The following CSMD1 variants were observed in gnomAD, a reference collection of about 807,000 sequenced individuals.
CSMD1 encodes the protein CUB and Sushi multiple domains 1.
In CSMD1, 213 loss-of-function variants were observed where a neutral mutation model predicts 417.5. The observed-to-expected ratio is 0.51, with a 90% CI of 0.46 to 0.57. The LOEUF is 0.57. Among genes scored for constraint, CSMD1 ranks in the 20% least tolerant of loss-of-function variants. The probability of loss-of-function intolerance (pLI) is 0.00; values close to 1 mark genes in which losing one functional copy is unlikely to be tolerated. For synonymous variants in CSMD1, 2,862 were observed against 1,736.8 expected (o/e 1.65, Z -16.11); for missense variants, 6,923 against 4,529.7 (o/e 1.53, Z -15.17).
At chr8:4,061,140 C>A (rs1293707571) in intron 3 of CSMD1, among the ~76,000 whole-genome samples, 1 of 152,172 alleles carries the variant, frequency 6.6e-6, no homozygotes, top group Non-Finnish European at 1.5e-5. Flanking sequence ...AGGCTCATCT[C>A]ATCCCCATCC....
intron 3 of CSMD1, among the ~76,000 whole-genome samples, chr8:4,316,447 G>C (rs1798933942): frequency 1.3e-5 from 2 of 152,012 alleles, no homozygotes; most frequent in African/African-American, 4.8e-5. Flanking sequence ...AATAACTGTG[G>C]TTTTCGCCAT....
At chr8:4,599,647 G>C (rs1182672814) in intron 2 of CSMD1, among the ~76,000 whole-genome samples, 2 of 151,850 alleles carry the variant, frequency 1.3e-5, no homozygotes, top group African/African-American at 4.8e-5. Flanking sequence ...TTAGACATTT[G>C]GTTATTTGTA....
chr8:4,170,107 C>T (rs1257669073), intron 3 of CSMD1, among the ~76,000 whole-genome samples: 2 of 151,716 alleles, frequency 1.3e-5, no homozygotes, highest in African/African-American at 2.4e-5. Flanking sequence ...GTATCCCTAA[C>T]CTGTTTTCTC....
chr8:4,526,603 C>T (rs545242340), intron 2 of CSMD1, among the ~76,000 whole-genome samples: 5 of 152,352 alleles, frequency 3.3e-5, no homozygotes, highest in African/African-American at 1.2e-4. Context: ...GATCATGTCT[C>T]TTTCACCAAC....
At chr8:3,896,722 G>A (rs1446114926) in intron 5 of CSMD1, among the ~76,000 whole-genome samples, 4 of 151,926 alleles carry the variant, frequency 2.6e-5, no homozygotes, top group East Asian at 1.9e-4. Flanking sequence ...ACATTAGCCA[G>A]GATGGTCTCG....
intron 1 of CSMD1, among the ~76,000 whole-genome samples, chr8:4,706,167 T>C (rs953452852): frequency 6.6e-6 from 1 of 151,106 alleles, no homozygotes; most frequent in Non-Finnish European, 1.5e-5. Flanking sequence ...TTATATACTG[T>C]ACATATATAT....
At chr8:4,530,666 G>A (rs952672529) in intron 2 of CSMD1, among the ~76,000 whole-genome samples, 2 of 150,720 alleles carry the variant, frequency 1.3e-5, no homozygotes, top group South Asian at 2.1e-4. Context: ...CCCTGCAAAG[G>A]GCATGAACTC....
intron 3 of CSMD1, among the ~76,000 whole-genome samples, chr8:4,398,408 T>TTTTC (rs1286780917): frequency 6.8e-6 from 1 of 147,670 alleles, no homozygotes; most frequent in Non-Finnish European, 1.5e-5. Flanking sequence ...TTTTTTTTTT[T>TTTTC]GTGAGATAGA....
chr8:3,808,224 G>C (rs1008750354), intron 5 of CSMD1, among the ~76,000 whole-genome samples: 16 of 152,074 alleles, frequency 1.1e-4, no homozygotes, highest in Admixed American at 7.9e-4. Flanking sequence ...AATATACTAA[G>C]AGATATACTA....
intron 3 of CSMD1, among the ~76,000 whole-genome samples, chr8:4,193,985 G>C (rs1248767286): frequency 6.6e-6 from 1 of 151,970 alleles, no homozygotes; most frequent in Non-Finnish European, 1.5e-5. Flanking sequence ...AATGTTCTAT[G>C]ATTACTATAT....
chr8:3,532,818 T>A (rs903329081), intron 10 of CSMD1, among the ~76,000 whole-genome samples: 2 of 152,188 alleles, frequency 1.3e-5, no homozygotes, highest in Non-Finnish European at 2.9e-5. Context: ...TGATTCACAT[T>A]TGAAGTCATT....
chr8:4,489,961 C>T (rs972341627), intron 2 of CSMD1, among the ~76,000 whole-genome samples: 3 of 151,846 alleles, frequency 2.0e-5, no homozygotes, highest in Non-Finnish European at 2.9e-5. Context: ...TAAGTAGCAA[C>T]AGGAAGTGAA....
chr8:3,521,233 T>C (rs1797495786), intron 10 of CSMD1, among the ~76,000 whole-genome samples: 1 of 152,212 alleles, frequency 6.6e-6, no homozygotes, highest in Non-Finnish European at 1.5e-5. Flanking sequence ...GGTTTCTCAC[T>C]GTTGCTGATT....
At chr8:3,965,758 C>G (rs890277899) in intron 5 of CSMD1, among the ~76,000 whole-genome samples, 6 of 152,102 alleles carry the variant, frequency 3.9e-5, no homozygotes, top group African/African-American at 1.2e-4. Context: ...GCTGGGACTA[C>G]AGGCATGTGA....
At chr8:4,688,290 T>C (rs889609022) in intron 1 of CSMD1, among the ~76,000 whole-genome samples, 1 of 152,102 alleles carries the variant, frequency 6.6e-6, no homozygotes, top group African/African-American at 2.4e-5. Flanking sequence ...TGAATCTATG[T>C]CAAAAAACTG....
intron 3 of CSMD1, among the ~76,000 whole-genome samples, chr8:4,292,424 TTG>T (rs1797422831): frequency 6.6e-6 from 1 of 152,022 alleles, no homozygotes; most frequent in Admixed American, 6.6e-5. Context: ...GGCTAATTTT[TTG>T]TGTTTTTAAT....
intron 2 of CSMD1, among the ~76,000 whole-genome samples, chr8:4,579,362 G>C (rs1188766373): frequency 3.3e-5 from 5 of 151,786 alleles, no homozygotes; most frequent in Non-Finnish European, 7.4e-5. Flanking sequence ...GTGTGTGTGT[G>C]TGTTTGTGTA....
intron 3 of CSMD1, among the ~76,000 whole-genome samples, chr8:4,219,886 C>T (rs1044603904): frequency 6.6e-6 from 1 of 152,078 alleles, no homozygotes; most frequent in African/African-American, 2.4e-5. Flanking sequence ...GAATTAATAC[C>T]AGGTGGAAAC....
intron 5 of CSMD1, among the ~76,000 whole-genome samples, chr8:3,990,526 T>A (rs1814663657): frequency 6.6e-6 from 1 of 152,198 alleles, no homozygotes; most frequent in Non-Finnish European, 1.5e-5. Context: ...GGTAAAATAC[T>A]ACATTTTATC....
Sources: gnomAD v4.1 joint callset for allele counts (sites outside exome capture counted in the v4.1 genomes callset) on GRCh38, gnomAD v4.1.1 for gene constraint, MANE v1.5 for transcripts, NCBI Gene and HGNC (gene_info 2026-07-23, HGNC 2026-07-21) for gene names.